Variants in KHDRBS3 observed in about 807,000 individuals in gnomAD.
KHDRBS3 encodes KH RNA binding domain containing, signal transduction associated 3.
In KHDRBS3, 23 loss-of-function variants were observed where a neutral mutation model predicts 45.6. That is an observed-to-expected ratio of 0.50 (90% CI 0.36 to 0.72). KHDRBS3 has a LOEUF of 0.72. Among genes scored for constraint, KHDRBS3 ranks in the 30% least tolerant of loss-of-function variants. KHDRBS3 has a pLI of 0.00. For synonymous variants in KHDRBS3, 162 were observed against 156.5 expected, an observed-to-expected ratio of 1.04 and a Z score of -0.26; for missense variants, 352 against 424.8, an observed-to-expected ratio of 0.83 and a Z score of 1.51.
intron 1 of KHDRBS3, among the ~76,000 whole-genome samples, chr8:135,481,563 C>T (rs928933614): frequency 1.8e-4 from 28 of 152,172 alleles, no homozygotes; most frequent in African/African-American, 5.1e-4. Context: ...CTTCCATAAA[C>T]GTTTATTCAG....
intron 7 of KHDRBS3, among the ~76,000 whole-genome samples, chr8:135,642,353 A>G (rs1224301208): frequency 6.6e-6 from 1 of 152,248 alleles, no homozygotes; most frequent in Non-Finnish European, 1.5e-5. Flanking sequence ...TGCCTCGTCT[A>G]TAAAAGCATA....
intron 1 of KHDRBS3, among the ~76,000 whole-genome samples, chr8:135,512,740 A>G (rs1204793264): frequency 1.3e-5 from 2 of 152,238 alleles, no homozygotes; most frequent in African/African-American, 4.8e-5. Flanking sequence ...ACAAAAATGA[A>G]TAAATAGATG....
At chr8:135,614,877 AAG>A (rs1364553795) in intron 7 of KHDRBS3, among the ~76,000 whole-genome samples, 1 of 151,780 alleles carries the variant, frequency 6.6e-6, no homozygotes, top group Admixed American at 6.6e-5. Context: ...TGCAGTGGGG[AAG>A]AGAGACCGGG....
At chr8:135,521,920 T>A (rs1464889823) in intron 2 of KHDRBS3, among the ~76,000 whole-genome samples, 1 of 152,230 alleles carries the variant, frequency 6.6e-6, no homozygotes, top group African/African-American at 2.4e-5. Flanking sequence ...CTGAACAGTT[T>A]TATACAAGTT....
intron 7 of KHDRBS3, among the ~76,000 whole-genome samples, chr8:135,621,622 G>A (rs1320216952): frequency 6.6e-6 from 1 of 151,850 alleles, no homozygotes; most frequent in African/African-American, 2.4e-5. Flanking sequence ...TTATTGTTTA[G>A]TGGGTAGATT....
At chr8:135,529,829 G>C (rs2130703467) in intron 2 of KHDRBS3, among the ~76,000 whole-genome samples, 1 of 152,282 alleles carries the variant, frequency 6.6e-6, no homozygotes, top group East Asian at 1.9e-4. Flanking sequence ...GGGAGGCTGA[G>C]GCGGGCAGAT....
At chr8:135,545,746 G>A (rs776282409) in intron 3 of KHDRBS3, among the ~76,000 whole-genome samples, 4 of 152,058 alleles carry the variant, frequency 2.6e-5, no homozygotes, top group Admixed American at 6.6e-5. Context: ...GTCCCATACT[G>A]CGCTGTAGCC....
At chr8:135,596,159 A>G (rs1392744473) in intron 6 of KHDRBS3, among the ~76,000 whole-genome samples, 2 of 152,236 alleles carry the variant, frequency 1.3e-5, no homozygotes, top group African/African-American at 4.8e-5. Flanking sequence ...AGCTAGTATC[A>G]TTCTAGATAC....
In KHDRBS3 at chr8:135,534,279, G is replaced by T. The variant is rs79035676; in HGVS notation, c.208-8375G>T. Among the ~76,000 whole-genome samples the T allele has an allele frequency of 9.5e-3, 1,431 of 151,258 alleles. 17 individuals carry two copies. The highest frequency in any genetic ancestry group is 0.033 in the African/African-American group (1,346 of 41,224). The stretch of plus-strand genomic sequence containing the variant: ...TTAAGCTCAATTACAAGTCCTTGTT[G>T]GCCAGTTAGACCCCATATACCAAAA... On this transcript the variant is annotated intron_variant, in intron 2 of 8. Coordinates refer to ENST00000355849, the MANE Select transcript of KHDRBS3 (RefSeq NM_006558.3).
intron 1 of KHDRBS3, among the ~76,000 whole-genome samples, chr8:135,477,173 C>T (rs1822332227): frequency 6.6e-6 from 1 of 151,926 alleles, no homozygotes; most frequent in Non-Finnish European, 1.5e-5. Context: ...TAGATACAGC[C>T]ATATATATTG....
intron 1 of KHDRBS3, among the ~76,000 whole-genome samples, chr8:135,498,846 G>A (rs1429254452): frequency 2.6e-5 from 4 of 152,290 alleles, no homozygotes; most frequent in African/African-American, 9.6e-5. Context: ...ACAATCAGGT[G>A]TGGAGACAGC....
At chr8:135,536,179 A>G (rs1825737229) in intron 2 of KHDRBS3, among the ~76,000 whole-genome samples, 1 of 149,138 alleles carries the variant, frequency 6.7e-6, no homozygotes, top group Non-Finnish European at 1.5e-5. Context: ...AGAGATACCT[A>G]CAGGGAGAAA....
At chr8:135,561,327 CTCA>C in intron 5 of KHDRBS3, among the ~76,000 whole-genome samples, 1 of 152,226 alleles carries the variant, frequency 6.6e-6, no homozygotes, top group East Asian at 1.9e-4. Context: ...TAAGTTATGC[CTCA>C]TCATAGTCCG....
At chr8:135,536,966 CAAAAAAAAAAA>C (rs869256475) in intron 2 of KHDRBS3, among the ~76,000 whole-genome samples, 1 of 11,778 alleles carries the variant, frequency 8.5e-5, no homozygotes, top group Non-Finnish European at 1.4e-4. Flanking sequence ...AACTCCATCT[CAAAAAAAAAAA>C]AAAAAAAAAA....
intron 2 of KHDRBS3, among the ~76,000 whole-genome samples, chr8:135,527,892 G>A (rs370969194): frequency 7.9e-5 from 12 of 152,062 alleles, no homozygotes; most frequent in African/African-American, 1.7e-4. Flanking sequence ...TACTTTACAC[G>A]TTTCTGTACA....
intron 1 of KHDRBS3, among the ~76,000 whole-genome samples, chr8:135,515,365 T>TAAAAGAAA (rs1824529940): frequency 2.5e-5 from 1 of 39,716 alleles, no homozygotes; most frequent in Admixed American, 4.3e-4. Context: ...GACTCCGTCT[T>TAAAAGAAA]AAAAAAAAAA....
At chr8:135,544,386 C>T (rs1826188251) in intron 3 of KHDRBS3, among the ~76,000 whole-genome samples, 1 of 152,196 alleles carries the variant, frequency 6.6e-6, no homozygotes, top group Admixed American at 6.5e-5. Flanking sequence ...AAGTGCCTGA[C>T]TACCCATATA....
intron 2 of KHDRBS3, 43 bp downstream of exon 2, chr8:135,521,398 C>A: frequency 9.6e-7 from 1 of 1,037,508 alleles, no homozygotes; most frequent in South Asian, 1.4e-5. Flanking sequence ...TAACCTGAAT[C>A]AAAGGGGAGC....
downstream of KHDRBS3, among the ~76,000 whole-genome samples, chr8:135,652,387 C>T (rs995293755): frequency 2.0e-5 from 3 of 152,194 alleles, no homozygotes; most frequent in Non-Finnish European, 4.4e-5. Context: ...ATGAGTCCTT[C>T]GGTGACTTTC....
Sources: allele counts gnomAD v4.1 joint callset (sites outside exome capture counted in the v4.1 genomes callset), GRCh38; gene constraint gnomAD v4.1.1; transcripts MANE v1.5; gene names NCBI Gene and HGNC (gene_info 2026-07-23, HGNC 2026-07-21).